Variants in UQCRC1 observed in about 807,000 individuals in gnomAD.
UQCRC1 encodes the protein ubiquinol-cytochrome c reductase core protein 1, also known as cytochrome b-c1 complex subunit 1, mitochondrial.
In UQCRC1, 34 loss-of-function variants were observed where a neutral mutation model predicts 58.0. The observed-to-expected ratio is 0.59, with a 90% CI of 0.45 to 0.78. UQCRC1 has a LOEUF of 0.78. UQCRC1 is among the 30% of genes least tolerant of loss of function. UQCRC1 has a pLI of 0.00. For missense variants in UQCRC1, 610 were observed against 646.0 expected (o/e 0.94, Z 0.60); for synonymous variants, 276 against 248.8 (o/e 1.11, Z -1.03).
chr3:48,605,885 C>A, intron 2 of UQCRC1, 29 bp from the exon 3 acceptor site: 1 of 1,609,576 alleles, frequency 6.2e-7, no homozygotes, highest in African/African-American at 1.3e-5. Context: ...GAAAAGGTTA[C>A]AAACAAACCA....
chr3:48,605,130 C>A (rs543784368), intron 3 of UQCRC1, among the ~76,000 whole-genome samples: 1 of 152,340 alleles, frequency 6.6e-6, no homozygotes, highest in Non-Finnish European at 1.5e-5. Context: ...GGTAAGCCCA[C>A]ACCTGTGTTC....
At position 48,603,655 on chromosome 3, in the gene UQCRC1, A is replaced by G. The variant is rs766328762; in HGVS notation, c.627-12T>C. 2.7e-5 allele frequency: 44 copies of G among 1,612,730 alleles called. No homozygotes were observed. Among genetic ancestry groups the G allele is most frequent in the Non-Finnish European group, 3.6e-5 (42 of 1,179,436 alleles). Reference sequence around the variant, plus strand: ...CACGAGACAGCTTCCTACAAGACATATGGTCAGTGTGTCAACACCTCTACC... The same window carrying G: ...CACGAGACAGCTTCCTACAAGACATGTGGTCAGTGTGTCAACACCTCTACC... On this transcript the variant is annotated splice_polypyrimidine_tract_variant and intron_variant, in intron 5 of 12. Transcript: ENST00000203407.
intron 11 of UQCRC1, 146 bp from the exon 12 acceptor site, chr3:48,599,856 C>A: frequency 9.6e-7 from 1 of 1,037,208 alleles, no homozygotes. Context: ...GGGATCCCTG[C>A]TATAGACCTC....
intron 8 of UQCRC1, 21 bp from the exon 9 acceptor site, chr3:48,600,861 C>T: frequency 6.2e-7 from 1 of 1,613,486 alleles, no homozygotes; most frequent in Non-Finnish European, 8.5e-7. Flanking sequence ...GATAGGTGGT[C>T]AGCACCCACC....
intron 6 of UQCRC1, among the ~76,000 whole-genome samples, chr3:48,602,542 A>G (rs73078316): frequency 0.01 from 1,136 of 112,944 alleles, 11 homozygotes; most frequent in Admixed American, 0.02. Context: ...TTTTTTTTTG[A>G]GATGGAGTTT....
chr3:48,601,586 T>A, intron 6 of UQCRC1, 119 bp from the exon 7 acceptor site: 1 of 890,396 alleles, frequency 1.1e-6, no homozygotes, highest in Non-Finnish European at 1.8e-6. Context: ...CAGGAGTATG[T>A]GACATTAGAA....
At chr3:48,601,525 C>A (rs886869186) in intron 6 of UQCRC1, 58 bp from the exon 7 acceptor site, 11 of 1,533,712 alleles carry the variant, frequency 7.2e-6, no homozygotes, top group Non-Finnish European at 9.8e-6. Flanking sequence ...CAGGGTGGGG[C>A]GATTCACAGA....
At position 48,600,059 on chromosome 3, in the gene UQCRC1, T is replaced by A. The variant is rs1451633608; in HGVS notation, c.1302+4A>T. On this transcript the variant is annotated splice_donor_region_variant and intron_variant, in intron 11 of 12. Transcript: ENST00000203407. ...CCAGAACCTCTCCCAGGGGTCCATG[T>A]TACCGCAATCCGGCTTTCCCATTCA... 3 of 1,614,142 alleles carry A rather than the reference T, an allele frequency of 1.9e-6. No homozygotes were observed. Among genetic ancestry groups the A allele is most frequent in the Middle Eastern group, 1.7e-4 (1 of 6,060 alleles).
At chr3:48,599,935 G>A in intron 11 of UQCRC1, 128 bp downstream of exon 11, 2 of 1,224,880 alleles carry the variant, frequency 1.6e-6, no homozygotes, top group African/African-American at 1.5e-5. Context: ...TACCCCTGCA[G>A]GTGACAGCTG....
Position 48,600,474 on chromosome 3 carries a change from G to C in UQCRC1, c.1213+8C>G. The C allele has an allele frequency of 6.2e-7, 1 of 1,614,096 alleles. No homozygotes were observed. Among genetic ancestry groups the C allele is most frequent in the Non-Finnish European group, 8.5e-7 (1 of 1,179,994 alleles). ...CTCTACCCCTCCCCGCTGAGCTGTA[G>C]GACTCACCATCTAGATGAGATACCA... On this transcript the variant is annotated splice_region_variant and intron_variant, in intron 10 of 12. Transcript: ENST00000203407.
At position 48,599,689 on chromosome 3, in the gene UQCRC1, G is replaced by A. The variant is rs762050976; in HGVS notation, c.1324C>T (p.Arg442Cys). The stretch of plus-strand genomic sequence containing the variant: ...TAGATGTACTTGGAGCAGATCTCAC[G>A]TACCACACTGGCATCCACCTCCTGC... ...RIAEVDASVV[R>C]EICSKYIYDQ... is the part of the protein sequence containing the mutation. Residue 442 changes from arginine (R) to cysteine (C), a missense_variant, in exon 12 of 13, where the codon CGT becomes TGT. Transcript: ENST00000203407. The A allele has an allele frequency of 9.9e-6, 16 of 1,613,696 alleles. No homozygotes were observed. Among genetic ancestry groups the A allele is most frequent in the South Asian group, 6.6e-5 (6 of 91,090 alleles).
intron 5 of UQCRC1, 93 bp from the exon 6 acceptor site, chr3:48,603,736 G>A (rs965787012): frequency 2.5e-6 from 3 of 1,189,290 alleles, no homozygotes; most frequent in African/African-American, 3.0e-5. Flanking sequence ...CAGACTAGGA[G>A]AGGCATGGTT....
chr3:48,609,046 T>C (rs2046438534), intron 2 of UQCRC1, 116 bp downstream of exon 2: 11 of 1,436,998 alleles, frequency 7.7e-6, no homozygotes, highest in Non-Finnish European at 1.0e-5. Context: ...TGAGTGGTCC[T>C]GGGTCCGAAC....
At chr3:48,601,763 T>C (rs1003929032) in intron 6 of UQCRC1, among the ~76,000 whole-genome samples, 1 of 152,174 alleles carries the variant, frequency 6.6e-6, no homozygotes, top group African/African-American at 2.4e-5. Flanking sequence ...CTTGAGAAGA[T>C]GCATTCCACC....
chr3:48,603,694 T>G, intron 5 of UQCRC1, 51 bp from the exon 6 acceptor site: 6 of 1,549,800 alleles, frequency 3.9e-6, no homozygotes, highest in Non-Finnish European at 5.3e-6. Context: ...CTGGAGTGAG[T>G]TGGGGTACAT....
chr3:48,601,513 C>A (rs2046366365), intron 6 of UQCRC1, 46 bp from the exon 7 acceptor site: 4 of 1,587,356 alleles, frequency 2.5e-6, no homozygotes, highest in Middle Eastern at 1.7e-4. Flanking sequence ...GGGCCCAAGG[C>A]ACAGGGTGGG....
Position 48,604,348 on chromosome 3 carries a change from C to A in UQCRC1, c.511G>T (p.Glu171Ter). ...IEKERDVILR[E>*]MQENDASMRD... ...ATAGATGCATCATTCTCCTGCATCT[C>A]CCGCAGGATCACATCACGTTCCTTC... The change falls in exon 5 of 13, where the codon GAG (glutamate) becomes TAG (stop). Residue 171 changes from glutamate to a stop codon, truncating the protein, a stop_gained. Coordinates refer to ENST00000203407, the MANE Select transcript of UQCRC1 (RefSeq NM_003365.3). LOFTEE classifies it high-confidence loss of function. The A allele has an allele frequency of 6.2e-7, 1 of 1,614,134 alleles. No individual in the cohort carries two copies. The highest frequency in any genetic ancestry group is 8.5e-7 in the Non-Finnish European group (1 of 1,179,986).
chr3:48,607,061 A>G (rs905746357), intron 2 of UQCRC1, among the ~76,000 whole-genome samples: 7 of 139,768 alleles, frequency 5.0e-5, no homozygotes, highest in Admixed American at 2.2e-4. Context: ...TTTTTTTTTG[A>G]GACGGAGTCT....
chr3:48,604,176 G>A, intron 5 of UQCRC1, 57 bp downstream of exon 5: 7 of 1,577,680 alleles, frequency 4.4e-6, no homozygotes, highest in Non-Finnish European at 6.1e-6. Context: ...ACCTGGAAAG[G>A]GTCTGGCCAG....
Sources: gnomAD v4.1 joint callset for allele counts (sites outside exome capture counted in the v4.1 genomes callset) on GRCh38, gnomAD v4.1.1 for gene constraint, MANE v1.5 for transcripts, NCBI Gene and HGNC (gene_info 2026-07-23, HGNC 2026-07-21) for gene names.